SEMA5A: variants seen among roughly 807,000 people sequenced by gnomAD.
SEMA5A encodes the protein semaphorin-5A.
SEMA5A carries 55 observed loss-of-function variants against 135.5 expected under a neutral mutation model. That is an observed-to-expected ratio of 0.41 (90% CI 0.33 to 0.51). The LOEUF (loss-of-function observed/expected upper bound fraction) is 0.51, where lower values mean the gene tolerates loss of function less well. Among genes scored for constraint, SEMA5A ranks in the 20% least tolerant of loss-of-function variants. The pLI, the probability that SEMA5A is intolerant of heterozygous loss-of-function variation, is 0.37. For missense variants in SEMA5A, 1,290 were observed against 1,419.9 expected (o/e 0.91, Z 1.47); for synonymous variants, 580 against 546.5 (o/e 1.06, Z -0.85).
intron 1 of SEMA5A, among the ~76,000 whole-genome samples, chr5:9,449,581 A>T (rs1386275126): frequency 6.6e-6 from 1 of 151,942 alleles, no homozygotes; most frequent in East Asian, 1.9e-4. Context: ...ATAAAAGTTG[A>T]AGGAAAAAAA....
At chr5:9,093,762 C>G (rs1179531349) in intron 16 of SEMA5A, among the ~76,000 whole-genome samples, 1 of 152,032 alleles carries the variant, frequency 6.6e-6, no homozygotes, top group Non-Finnish European at 1.5e-5. Flanking sequence ...GTACTCAAGC[C>G]CTTTCAGGAA....
At chr5:9,381,667 G>A (rs1181012539) in intron 2 of SEMA5A, among the ~76,000 whole-genome samples, 1 of 152,144 alleles carries the variant, frequency 6.6e-6, no homozygotes, top group African/African-American at 2.4e-5. Context: ...CAACTCTCCA[G>A]CCATGAGTAA....
chr5:9,525,950 G>A (rs1003900983), intron 1 of SEMA5A, among the ~76,000 whole-genome samples: 1 of 152,156 alleles, frequency 6.6e-6, no homozygotes, highest in Non-Finnish European at 1.5e-5. Context: ...TTTTAGGGTT[G>A]TATGATAAAG....
At chr5:9,339,469 T>TC (rs1753547582) in intron 3 of SEMA5A, among the ~76,000 whole-genome samples, 1 of 152,210 alleles carries the variant, frequency 6.6e-6, no homozygotes, top group African/African-American at 2.4e-5. Context: ...ACCCAATGGC[T>TC]CTTGCGTCTG....
rs1554024257 is a variant in SEMA5A, at chr5:9,075,556, C to CG, written c.2074-8911_2074-8910insC. On this transcript the variant is annotated intron_variant, in intron 16 of 22. Transcript: ENST00000382496. ...ATAATTATGCACATAAAAAAGCCAG[C>CG]AAAAAAAAAAAGGTGTGACACTGTA... Among the ~76,000 whole-genome samples the CG allele has an allele frequency of 4.1e-5, 6 of 146,224 alleles. 1 individual carries two copies. The highest frequency in any genetic ancestry group is 2.0e-4 in the Admixed American group (3 of 14,696).
chr5:9,505,909 T>C (rs1053330220), intron 1 of SEMA5A, among the ~76,000 whole-genome samples: 5 of 152,192 alleles, frequency 3.3e-5, no homozygotes, highest in Admixed American at 3.3e-4. Flanking sequence ...AGATTAACTG[T>C]CATGCAAGCT....
At chr5:9,376,073 T>C (rs1755350780) in intron 3 of SEMA5A, among the ~76,000 whole-genome samples, 1 of 152,184 alleles carries the variant, frequency 6.6e-6, no homozygotes, top group African/African-American at 2.4e-5. Context: ...ACTTCTTCTC[T>C]ACATTTCTGC....
intron 3 of SEMA5A, among the ~76,000 whole-genome samples, chr5:9,375,145 A>G (rs1337071947): frequency 1.3e-5 from 2 of 152,020 alleles, no homozygotes; most frequent in African/African-American, 4.8e-5. Flanking sequence ...ACATATCACC[A>G]TCTGGTTTCT....
intron 16 of SEMA5A, among the ~76,000 whole-genome samples, chr5:9,069,653 A>ATC (rs2150079221): frequency 6.6e-6 from 1 of 152,294 alleles, no homozygotes; most frequent in South Asian, 2.1e-4. Flanking sequence ...TTTAACAGAA[A>ATC]ATATGTAAGG....
Position 9,044,370 on chromosome 5 carries a change from T to C in SEMA5A, c.3105+3A>G. The C allele has an allele frequency of 6.2e-7, 1 of 1,611,660 alleles. No individual in the cohort carries two copies. ...CTTAGCAGAAATATTAAAATTCACT[T>C]ACCTTGATGGCCTCCACCGAGTCGT... On this transcript the variant is annotated splice_donor_region_variant and intron_variant, in intron 22 of 22. Coordinates refer to ENST00000382496, the MANE Select transcript of SEMA5A (RefSeq NM_003966.3).
In SEMA5A at chr5:9,067,581, A is replaced by G. The variant is rs1737545436; in HGVS notation, c.2074-935T>C. Reference sequence around the variant, plus strand: ...ATTAAATCACTCTTTAAGCTTTATCATAAAATAAAATAAAATAAAATAAAT... The same window carrying G: ...ATTAAATCACTCTTTAAGCTTTATCGTAAAATAAAATAAAATAAAATAAAT... On this transcript the variant is annotated intron_variant, in intron 16 of 22. Coordinates refer to ENST00000382496, the MANE Select transcript of SEMA5A (RefSeq NM_003966.3). 8.9e-4 allele frequency among the ~76,000 whole-genome samples: 7 copies of G among 7,840 alleles called. No homozygotes were observed. The Admixed American group carries it at 0.012, about 14-fold the overall frequency. The allele number at this position is 7,840 out of a possible 152,430, so 5.1% of individuals were successfully genotyped here. A position where few individuals can be genotyped will look rare whatever the true frequency, so the allele number is the denominator to read the frequency against.
At chr5:9,392,429 A>G (rs778294666) in intron 2 of SEMA5A, among the ~76,000 whole-genome samples, 1 of 152,224 alleles carries the variant, frequency 6.6e-6, no homozygotes, top group African/African-American at 2.4e-5. Context: ...AAAATATTTC[A>G]TAAGATACAG....
chr5:9,522,356 G>A (rs1294061021), intron 1 of SEMA5A, among the ~76,000 whole-genome samples: 1 of 152,162 alleles, frequency 6.6e-6, no homozygotes, highest in Admixed American at 6.5e-5. Flanking sequence ...GCTAAGATGG[G>A]CAGATCACCT....
Position 9,063,226 on chromosome 5 carries a change from G to A in SEMA5A, c.2300-121C>T, listed in dbSNP as rs776033885. ...TTCTAGAACTACCCTCTCACATTCCGTTGAGCTCTTTTTACACTTCAGTAG... is the reference window on the plus strand; with the variant it reads ...TTCTAGAACTACCCTCTCACATTCCATTGAGCTCTTTTTACACTTCAGTAG... On this transcript the variant is annotated intron_variant, in intron 17 of 22. Transcript: ENST00000382496. The A allele has an allele frequency of 6.9e-5, 68 of 991,510 alleles. No individual in the cohort carries two copies. In the Middle Eastern group the frequency reaches 9.5e-4, roughly 14 times the overall value. 61.4% of individuals were successfully genotyped at this position (991,510 alleles called of 1,614,324 possible).
intron 11 of SEMA5A, among the ~76,000 whole-genome samples, chr5:9,186,588 T>TAA (rs1744821787): frequency 1.3e-5 from 2 of 152,232 alleles, no homozygotes; most frequent in Admixed American, 6.5e-5. Context: ...TATCAGTTGA[T>TAA]AACTCGTTTA....
At chr5:9,362,242 G>A (rs1754730468) in intron 3 of SEMA5A, among the ~76,000 whole-genome samples, 1 of 152,082 alleles carries the variant, frequency 6.6e-6, no homozygotes, top group Admixed American at 6.5e-5. Context: ...ATAAGCCCCA[G>A]CCCCCAGAGG....
At chr5:9,273,514 A>C (rs1385376980) in intron 5 of SEMA5A, among the ~76,000 whole-genome samples, 6 of 152,094 alleles carry the variant, frequency 3.9e-5, no homozygotes, top group African/African-American at 1.4e-4. Context: ...CCTCGAAAAG[A>C]GCAACCCCAA....
At chr5:9,106,906 G>A (rs915711820) in intron 16 of SEMA5A, among the ~76,000 whole-genome samples, 2 of 152,158 alleles carry the variant, frequency 1.3e-5, no homozygotes, top group African/African-American at 4.8e-5. Context: ...TTGTGAAGGG[G>A]AAGAAATCTA....
At chr5:9,344,240 T>G (rs1218497714) in intron 3 of SEMA5A, among the ~76,000 whole-genome samples, 1 of 152,204 alleles carries the variant, frequency 6.6e-6, no homozygotes, top group Non-Finnish European at 1.5e-5. Context: ...TGTTATAAAA[T>G]TTTTTTAAAC....
Sources: allele counts gnomAD v4.1 joint callset (sites outside exome capture counted in the v4.1 genomes callset), GRCh38; gene constraint gnomAD v4.1.1; transcripts MANE v1.5; gene names NCBI Gene and HGNC (gene_info 2026-07-23, HGNC 2026-07-21).